USP13: variants seen among roughly 807,000 people sequenced by gnomAD.
USP13 encodes ubiquitin carboxyl-terminal hydrolase 13.
USP13 carries 68 observed loss-of-function variants against 107.8 expected under a neutral mutation model. The ratio of observed to expected loss-of-function variants is 0.63; its 90% CI spans 0.52 to 0.77. The LOEUF is 0.77. Among genes scored for constraint, USP13 ranks in the 30% least tolerant of loss-of-function variants. The pLI, the probability that USP13 is intolerant of heterozygous loss-of-function variation, is 0.00. For missense variants in USP13, 945 were observed against 1,093.3 expected, an observed-to-expected ratio of 0.86 and a Z score of 1.91; for synonymous variants, 377 against 389.5, an observed-to-expected ratio of 0.97 and a Z score of 0.38.
At chr3:179,732,303 T>C (rs1460039012) in intron 10 of USP13, among the ~76,000 whole-genome samples, 1 of 152,210 alleles carries the variant, frequency 6.6e-6, no homozygotes, top group African/African-American at 2.4e-5. Flanking sequence ...TGTGAAACTT[T>C]GAAGAGGTGA....
At chr3:179,767,905 T>G (rs772516322) in intron 19 of USP13, among the ~76,000 whole-genome samples, 6 of 152,182 alleles carry the variant, frequency 3.9e-5, no homozygotes, top group Non-Finnish European at 8.8e-5. Flanking sequence ...GGGAACTGTC[T>G]TCTTCTTTTT....
At chr3:179,717,992 A>G (rs1345493709) in intron 6 of USP13, among the ~76,000 whole-genome samples, 1 of 152,084 alleles carries the variant, frequency 6.6e-6, no homozygotes, top group African/African-American at 2.4e-5. Context: ...GAGTCTCCAT[A>G]TATCTGGGTA....
At chr3:179,673,890 C>A (rs1359563046) in intron 1 of USP13, among the ~76,000 whole-genome samples, 1 of 152,124 alleles carries the variant, frequency 6.6e-6, no homozygotes, top group Non-Finnish European at 1.5e-5. Flanking sequence ...TTCGAGATTT[C>A]TTTCTTTCGT....
At chr3:179,684,335 T>C (rs768490412) in intron 2 of USP13, among the ~76,000 whole-genome samples, 7 of 136,006 alleles carry the variant, frequency 5.1e-5, no homozygotes, top group Non-Finnish European at 1.1e-4. Context: ...TTTTGAGACA[T>C]GGTCTCACTC....
intron 8 of USP13, among the ~76,000 whole-genome samples, chr3:179,729,044 T>TGTTAAAGATGATAA (rs1447287747): frequency 2.0e-5 from 3 of 151,894 alleles, no homozygotes; most frequent in African/African-American, 4.8e-5. Context: ...CCCAAACACT[T>TGTTAAAGATGATAA]GTTAAAGATG....
At chr3:179,756,360 G>A (rs1010378779) in intron 15 of USP13, among the ~76,000 whole-genome samples, 1 of 151,976 alleles carries the variant, frequency 6.6e-6, no homozygotes, top group Non-Finnish European at 1.5e-5. Flanking sequence ...GAGTCGAGCC[G>A]AGATTGCGCC....
intron 19 of USP13, among the ~76,000 whole-genome samples, 174 bp from the exon 20 acceptor site, chr3:179,781,560 GGTTGA>G (rs1715748957): frequency 6.6e-6 from 1 of 152,222 alleles, no homozygotes; most frequent in South Asian, 2.1e-4. Context: ...CAAATTTGCA[GGTTGA>G]GTTTAGTGTC....
chr3:179,726,927 CCTCGG>C (rs1179737462), intron 8 of USP13, among the ~76,000 whole-genome samples: 1 of 151,972 alleles, frequency 6.6e-6, no homozygotes, highest in Non-Finnish European at 1.5e-5. Flanking sequence ...AATCTTCGCC[CCTCGG>C]CTTCCAAAAG....
At position 179,653,314 on chromosome 3, in the gene USP13, C is replaced by G; in HGVS notation, c.89C>G (p.Pro30Arg). The G allele has an allele frequency of 6.3e-7, 1 of 1,577,896 alleles. No individual in the cohort carries two copies. The highest frequency in any genetic ancestry group is 8.6e-7 in the Non-Finnish European group (1 of 1,162,384). ...GGAGACATCGGCGAGCTGCTAGTGC[C>G]CCACATGCCCACGATCCGCGTGCCC... ...AAGDIGELLV[P>R]HMPTIRVPRS... Residue 30 changes from proline (P) to arginine (R), a missense_variant, in exon 1 of 21, where the codon CCC (proline) becomes CGC (arginine). Pro to Arg is a moderately radical substitution (Grantham distance 103). Coordinates refer to ENST00000263966, the MANE Select transcript of USP13 (RefSeq NM_003940.3). The surrounding 1 kb of genome is among the most constrained non-coding windows in gnomAD (Gnocchi z 4.0).
intron 3 of USP13, among the ~76,000 whole-genome samples, chr3:179,699,637 T>C (rs906630899): frequency 2.0e-4 from 30 of 149,354 alleles, no homozygotes; most frequent in African/African-American, 6.0e-4. Flanking sequence ...GAGTTTGATG[T>C]TGTAGTAAGC....
intron 1 of USP13, among the ~76,000 whole-genome samples, chr3:179,669,717 G>T (rs962461778): frequency 1.3e-5 from 2 of 152,162 alleles, no homozygotes; most frequent in African/African-American, 4.8e-5. Context: ...GTGCGGTAGA[G>T]GAACTGAATT....
intron 6 of USP13, among the ~76,000 whole-genome samples, chr3:179,713,480 G>C (rs990544840): frequency 1.3e-5 from 2 of 151,806 alleles, no homozygotes; most frequent in African/African-American, 4.8e-5. Context: ...GTCTAATGAT[G>C]AGCCTTGTGG....
chr3:179,716,274 T>C (rs1311289030), intron 6 of USP13, among the ~76,000 whole-genome samples: 2 of 152,152 alleles, frequency 1.3e-5, no homozygotes, highest in Admixed American at 1.3e-4. Flanking sequence ...TACCTCTCTC[T>C]CCCTTCTACT....
At position 179,749,970 on chromosome 3, in the gene USP13, A is replaced by G. The variant is rs563622703; in HGVS notation, c.1710-2315A>G. The stretch of plus-strand genomic sequence containing the variant: ...TAGGTAAGAAAAAGAACATTTTTAC[A>G]TTAAAATATCATGGCCGGGTGCCGT... On this transcript the variant is annotated intron_variant, in intron 13 of 20. Coordinates refer to ENST00000263966, the MANE Select transcript of USP13 (RefSeq NM_003940.3). Among the ~76,000 whole-genome samples, 15 of 152,292 alleles carry G rather than the reference A, an allele frequency of 9.8e-5. No individual in the cohort carries two copies. The East Asian group carries it at 2.3e-3, about 24-fold the overall frequency.
intron 19 of USP13, among the ~76,000 whole-genome samples, chr3:179,775,610 C>T (rs529513342): frequency 1.3e-5 from 2 of 152,208 alleles, no homozygotes; most frequent in Non-Finnish European, 1.5e-5. Context: ...CAGGAGCCCA[C>T]CACGGTGGGG....
chr3:179,706,312 G>A (rs1712717222), intron 4 of USP13, among the ~76,000 whole-genome samples: 1 of 152,198 alleles, frequency 6.6e-6, no homozygotes, highest in Non-Finnish European at 1.5e-5. Flanking sequence ...ATTGGGTAGG[G>A]AGAGGGCAGA....
At chr3:179,657,729 A>G (rs1720313234) in intron 1 of USP13, among the ~76,000 whole-genome samples, 1 of 134,554 alleles carries the variant, frequency 7.4e-6, no homozygotes, top group Non-Finnish European at 1.5e-5. Context: ...GCGTCACTGC[A>G]CTCCAGCCTG....
intron 8 of USP13, among the ~76,000 whole-genome samples, chr3:179,728,910 G>A (rs984425663): frequency 7.3e-6 from 1 of 136,788 alleles, no homozygotes; most frequent in Non-Finnish European, 1.6e-5. Flanking sequence ...CAGCAGTACC[G>A]TCCAGCTTCA....
intron 8 of USP13, among the ~76,000 whole-genome samples, chr3:179,729,397 C>T (rs1039744801): frequency 6.6e-6 from 1 of 152,190 alleles, no homozygotes; most frequent in Non-Finnish European, 1.5e-5. Context: ...CGGGCCCAGT[C>T]AAGCAGAGGC....
Sources: gnomAD v4.1 joint callset for allele counts (sites outside exome capture counted in the v4.1 genomes callset) on GRCh38, gnomAD v4.1.1 for gene constraint, Gnocchi (gnomAD v3.1) non-coding constraint, MANE v1.5 for transcripts, NCBI Gene and HGNC (gene_info 2026-07-23, HGNC 2026-07-21) for gene names.